Variants in AVEN observed in about 807,000 individuals in gnomAD.
AVEN encodes the protein cell death regulator Aven.
In AVEN, 41 loss-of-function variants were observed where a neutral mutation model predicts 38.1. The observed-to-expected ratio is 1.08, with a 90% CI of 0.84 to 1.40. The LOEUF is 1.40. Ranked by LOEUF, AVEN falls within the 40% of genes most tolerant of loss-of-function variation. AVEN has a pLI of 0.00. For synonymous variants in AVEN, 206 were observed against 171.8 expected (o/e 1.20, Z -1.56); for missense variants, 605 against 438.8 (o/e 1.38, Z -3.38).
downstream of AVEN, among the ~76,000 whole-genome samples, chr15:33,858,394 A>G (rs2079941987): frequency 6.6e-6 from 1 of 151,868 alleles, no homozygotes; most frequent in Non-Finnish European, 1.5e-5. Context: ...TTTAGTAGTG[A>G]TGGGGTTTCT....
In AVEN at chr15:34,063,332, T is replaced by G; in HGVS notation, n.1227A>C. ...CTGCCATTGCTGCCTTCTACATCCCTGTTTCTGTCATGACCATCCTCTACT... is the reference window on the plus strand; with the variant it reads ...CTGCCATTGCTGCCTTCTACATCCCGGTTTCTGTCATGACCATCCTCTACT... On this transcript the variant is annotated non_coding_transcript_exon_variant, in exon 5 of 12. Transcript: ENST00000675287. The surrounding 1 kb of genome is among the most constrained non-coding windows in gnomAD (Gnocchi z 4.1). 6.2e-7 allele frequency: 1 copy of G among 1,614,150 alleles called. No individual in the cohort carries two copies. The highest frequency in any genetic ancestry group is 1.6e-4 in the Middle Eastern group (1 of 6,062).
chr15:33,893,740 A>G (rs754877262), intron 2 of AVEN, among the ~76,000 whole-genome samples: 1 of 152,182 alleles, frequency 6.6e-6, no homozygotes, highest in Non-Finnish European at 1.5e-5. Flanking sequence ...GAAAAGCAGA[A>G]AGGGGTGTGC....
At chr15:34,012,766 T>A (rs1051834615) in intron 1 of AVEN, among the ~76,000 whole-genome samples, 1 of 152,188 alleles carries the variant, frequency 6.6e-6, no homozygotes. Flanking sequence ...AAGTAAAGCA[T>A]TACTGAACTA....
chr15:33,867,834 G>A lies in AVEN; in HGVS notation c.634C>T (p.Pro212Ser). Residue 212 changes from proline to serine, a missense_variant, in exon 5 of 6, where the codon CCT (proline) becomes TCT (serine). Pro to Ser is a moderately conservative substitution (Grantham distance 74). Transcript: ENST00000306730. The stretch of plus-strand genomic sequence containing the variant: ...TCAGTTCTCTTTGGTTTCACCTGAG[G>A]AACCTCTAAAGGAACTGTACCCTGA... Reference protein sequence around the residue: ...LVQGTVPLEVPQVKPKRTDDG... With the variant: ...LVQGTVPLEVSQVKPKRTDDG... 1.3e-6 allele frequency: 2 copies of A among 1,597,912 alleles called. No individual in the cohort carries two copies. Among genetic ancestry groups the A allele is most frequent in the Non-Finnish European group, 8.5e-7 (1 of 1,174,990 alleles).
chr15:33,875,754 G>A (rs1400749841), intron 3 of AVEN, among the ~76,000 whole-genome samples, 171 bp downstream of exon 3: 2 of 152,132 alleles, frequency 1.3e-5, no homozygotes, highest in Non-Finnish European at 2.9e-5. Flanking sequence ...CTAGCTTCAA[G>A]GACCTGTGGA....
At chr15:34,054,987 G>C (rs1900075835) in intron 5 of AVEN, among the ~76,000 whole-genome samples, 1 of 152,164 alleles carries the variant, frequency 6.6e-6, no homozygotes, top group South Asian at 2.1e-4. Flanking sequence ...GAAGTCAGGA[G>C]TTCGAGACCA....
the AVEN span, chr15:33,852,833 G>A: frequency 6.2e-6 from 3 of 485,612 alleles, no homozygotes; most frequent in Non-Finnish European, 1.1e-5. Context: ...GGCCTTCTGA[G>A]TGTTTCAAAA....
intron 2 of AVEN, among the ~76,000 whole-genome samples, chr15:33,943,194 G>C (rs1438924753): frequency 6.6e-6 from 1 of 152,188 alleles, no homozygotes; most frequent in African/African-American, 2.4e-5. Context: ...CAATAGCCAA[G>C]AGGTAGGGGC....
intron 1 of AVEN, among the ~76,000 whole-genome samples, chr15:34,019,807 C>T (rs930765985): frequency 6.6e-6 from 1 of 152,088 alleles, no homozygotes; most frequent in African/African-American, 2.4e-5. Flanking sequence ...ATGTAAGTAC[C>T]CTCTATGGTA....
At chr15:33,910,748 T>C (rs958416984) in intron 2 of AVEN, among the ~76,000 whole-genome samples, 1 of 152,166 alleles carries the variant, frequency 6.6e-6, no homozygotes, top group Non-Finnish European at 1.5e-5. Context: ...GACACTCTGG[T>C]AGGGACTGAC....
intron 2 of AVEN, among the ~76,000 whole-genome samples, chr15:34,069,012 C>T (rs1044131549): frequency 7.2e-5 from 11 of 151,728 alleles, no homozygotes; most frequent in African/African-American, 1.9e-4. Context: ...GGGGTTTCAC[C>T]GTGTTAGCCA....
At chr15:33,915,166 G>A (rs1188519793) in intron 2 of AVEN, among the ~76,000 whole-genome samples, 1 of 152,170 alleles carries the variant, frequency 6.6e-6, no homozygotes, top group East Asian at 1.9e-4. Flanking sequence ...GTAGATAGGA[G>A]GCAGGACTAA....
chr15:34,070,974 C>G (rs778471473), intron 1 of AVEN, among the ~76,000 whole-genome samples: 4 of 152,130 alleles, frequency 2.6e-5, no homozygotes, highest in Non-Finnish European at 5.9e-5. Flanking sequence ...TGACTACCAC[C>G]CTGTGTTAGT....
chr15:33,917,566 AC>A (rs1224158314), intron 2 of AVEN, among the ~76,000 whole-genome samples: 1 of 30,206 alleles, frequency 3.3e-5, no homozygotes, highest in Non-Finnish European at 1.2e-4. Flanking sequence ...GTATGTATAC[AC>A]ACACACACAC....
chr15:33,875,099 C>A (rs925028480), intron 3 of AVEN, among the ~76,000 whole-genome samples: 1 of 152,180 alleles, frequency 6.6e-6, no homozygotes, highest in African/African-American at 2.4e-5. Flanking sequence ...ACAATTGAGC[C>A]TAAAACCAGC....
exon 1 of AVEN, among the ~76,000 whole-genome samples, chr15:34,074,944 C>T (rs565649323): frequency 4.6e-5 from 7 of 152,030 alleles, no homozygotes; most frequent in East Asian, 1.9e-4. Flanking sequence ...TTTGGGAGGC[C>T]GAGGAGGGCA....
intron 5 of AVEN, among the ~76,000 whole-genome samples, chr15:33,867,173 T>A (rs1890623056): frequency 6.6e-6 from 1 of 152,140 alleles, no homozygotes; most frequent in Admixed American, 6.5e-5. Flanking sequence ...TGTCAGTCGA[T>A]TAAAAGGGCC....
downstream of AVEN, chr15:33,857,963 C>T (rs752373819): frequency 1.2e-6 from 2 of 1,606,250 alleles, no homozygotes; most frequent in South Asian, 2.2e-5. Flanking sequence ...CGGGGCCACC[C>T]CGCCCCACCA....
chr15:34,008,052 C>T (rs1897440310), intron 1 of AVEN, among the ~76,000 whole-genome samples: 1 of 152,118 alleles, frequency 6.6e-6, no homozygotes, highest in African/African-American at 2.4e-5. Context: ...CTCAGAGGTA[C>T]TGCAGATTAG....
Sources: gnomAD v4.1 joint callset for allele counts (sites outside exome capture counted in the v4.1 genomes callset) on GRCh38, gnomAD v4.1.1 for gene constraint, Gnocchi (gnomAD v3.1) non-coding constraint, MANE v1.5 for transcripts, NCBI Gene and HGNC (gene_info 2026-07-23, HGNC 2026-07-21) for gene names.